PCDHGA3: variants seen among roughly 807,000 people sequenced by gnomAD.
The protein encoded by PCDHGA3 is protocadherin gamma-A3.
A neutral mutation model predicts 58.5 loss-of-function variants in PCDHGA3; 40 were observed. The observed-to-expected ratio is 0.68, with a 90% CI of 0.53 to 0.89. PCDHGA3 has a LOEUF of 0.89. PCDHGA3 is among the 40% of genes least tolerant of loss of function. The probability of loss-of-function intolerance (pLI) is 0.00; values close to 1 mark genes in which losing one functional copy is unlikely to be tolerated. For missense variants in PCDHGA3, 1,223 were observed against 1,195.9 expected, an observed-to-expected ratio of 1.02 and a Z score of -0.33; for synonymous variants, 530 against 525.7, an observed-to-expected ratio of 1.01 and a Z score of -0.11.
In PCDHGA3 at chr5:141,419,984, C is replaced by A. The variant is rs918632592; in HGVS notation, c.2424+73527C>A. ...TGTGCTCTTTCTCCTCGCGGTGATT[C>A]TAGCTATTGCTCTACGCCTGCGACA... On this transcript the variant is annotated intron_variant, in intron 1 of 3. Transcript: ENST00000253812. 27 of 1,613,962 alleles carry A rather than the reference C, an allele frequency of 1.7e-5. No individual in the cohort carries two copies. The highest frequency in any genetic ancestry group is 2.2e-5 in the Non-Finnish European group (26 of 1,179,912).
chr5:141,357,723 T>A (rs979364296), intron 1 of PCDHGA3: 3 of 1,391,112 alleles, frequency 2.2e-6, no homozygotes, highest in Non-Finnish European at 2.9e-6. Flanking sequence ...AAGTTGCCTC[T>A]TTTAATATTT....
At chr5:141,405,044 G>T (rs769617162) in intron 1 of PCDHGA3, 160 of 1,613,938 alleles carry the variant, frequency 9.9e-5, no homozygotes, top group Middle Eastern at 1.6e-4. Flanking sequence ...TGTGGCTGTG[G>T]CAGTCGTCTC....
At chr5:141,387,534 G>T in intron 1 of PCDHGA3, among the ~76,000 whole-genome samples, 1 of 152,198 alleles carries the variant, frequency 6.6e-6, no homozygotes, top group East Asian at 1.9e-4. Context: ...ACGTATCCAC[G>T]TAGTTTTTGT....
rs1328871348 is a variant in PCDHGA3 at position 141,361,436 on chromosome 5, C to T, written c.2424+14979C>T. ...GACGGGGGCAAGCCGCCCCTCTCCTCCAGCATAATTGTCACCCTGCACATC... is the reference window on the plus strand; with the variant it reads ...GACGGGGGCAAGCCGCCCCTCTCCTTCAGCATAATTGTCACCCTGCACATC... On this transcript the variant is annotated intron_variant, in intron 1 of 3. Transcript: ENST00000253812. 5 of 1,613,930 alleles carry T rather than the reference C, an allele frequency of 3.1e-6. No individual in the cohort carries two copies. In the South Asian group the frequency reaches 5.5e-5, roughly 18 times the overall value.
Position 141,344,067 on chromosome 5 carries a change from G to C in PCDHGA3, c.34G>C (p.Gly12Arg). The C allele has an allele frequency of 6.3e-7, 1 of 1,598,818 alleles. No homozygotes were observed. Among genetic ancestry groups the C allele is most frequent in the Non-Finnish European group, 8.5e-7 (1 of 1,171,348 alleles). The change falls in exon 1 of 4, where the codon GGA becomes CGA. Residue 12 changes from glycine to arginine, a missense_variant. Physicochemically the swap from Gly to Arg is moderately radical, Grantham distance 125. Around this residue, in one of 3 missense-constraint regions of PCDHGA3, gnomAD observed 791 missense variants for 708.5 expected, o/e 1.12. Transcript: ENST00000253812. Reference sequence around the variant, plus strand: ...TTGCCTGAGTTTCCGAAATGGCAGAGGACTGGCCCTGCTGTGCGCGCTCCT... The same window carrying C: ...TTGCCTGAGTTTCCGAAATGGCAGACGACTGGCCCTGCTGTGCGCGCTCCT... ...TNCLSFRNGR[G>R]LALLCALLGT... is the part of the protein sequence containing the mutation.
At chr5:141,354,969 T>C in intron 1 of PCDHGA3, 1 of 516,794 alleles carries the variant, frequency 1.9e-6, no homozygotes, top group Non-Finnish European at 3.2e-6. Context: ...GTTAAGACTC[T>C]GGGTGTCGCT....
At chr5:141,377,524 G>A (rs574411289) in intron 1 of PCDHGA3, 3 of 151,920 alleles carry the variant, frequency 2.0e-5, no homozygotes, top group Admixed American at 6.6e-5. Context: ...TAAGTCCAGG[G>A]GTATGAGGCT....
chr5:141,476,551 C>A lies in PCDHGA3; in HGVS notation c.2425-18256C>A, dbSNP rs367700651. 6.2e-7 allele frequency: 1 copy of A among 1,614,196 alleles called. No individual in the cohort carries two copies. The highest frequency in any genetic ancestry group is 1.7e-5 in the Admixed American group (1 of 60,028). ...CCCAGGAAATGAAATTGGAGATTAG[C>A]GAGGCCGTGGCTCCGGGGACGCGCT... On this transcript the variant is annotated intron_variant, in intron 1 of 3. Transcript: ENST00000253812. This position sits in a 1 kb window ranked among gnomAD's most constrained non-coding sequence, Gnocchi z 7.6.
intron 1 of PCDHGA3, among the ~76,000 whole-genome samples, chr5:141,454,476 A>G (rs918910449): frequency 6.6e-6 from 1 of 151,806 alleles, no homozygotes; most frequent in Non-Finnish European, 1.5e-5. Flanking sequence ...GCATGATCTC[A>G]GCTCACCGCA....
chr5:141,413,699 A>T (rs2095668539), intron 1 of PCDHGA3: 2 of 1,613,762 alleles, frequency 1.2e-6, no homozygotes, highest in East Asian at 4.5e-5. Context: ...CAGAGCTATC[A>T]GCTCAGCCCC....
Position 141,485,718 on chromosome 5 carries a change from T to A in PCDHGA3, c.2425-9089T>A, listed in dbSNP as rs562192762. ...TCCAATGAACACTTTGCACTGGATG[T>A]GAAGAAGCGCAGCGACGGCAGCCTG... On this transcript the variant is annotated intron_variant, in intron 1 of 3. Coordinates refer to ENST00000253812, the MANE Select transcript of PCDHGA3 (RefSeq NM_018916.4). The surrounding 1 kb of genome is among the most constrained non-coding windows in gnomAD (Gnocchi z 5.7). 1 of 1,614,058 alleles carries A rather than the reference T, an allele frequency of 6.2e-7. No homozygotes were observed. The highest frequency in any genetic ancestry group is 2.2e-5 in the East Asian group (1 of 44,866).
intron 1 of PCDHGA3, chr5:141,413,021 C>A: frequency 2.8e-6 from 2 of 714,374 alleles, no homozygotes; most frequent in Non-Finnish European, 4.4e-6. Context: ...TACACAAGCC[C>A]CACAAACCGG....
intron 3 of PCDHGA3, among the ~76,000 whole-genome samples, chr5:141,510,166 A>G (rs1280391099): frequency 6.6e-6 from 1 of 151,872 alleles, no homozygotes; most frequent in African/African-American, 2.4e-5. Flanking sequence ...TCAGCTACTC[A>G]GGAGGTTGAG....
At chr5:141,427,088 T>C in intron 1 of PCDHGA3, 1 of 458,156 alleles carries the variant, frequency 2.2e-6, no homozygotes. Flanking sequence ...CTGACCAGGA[T>C]GAGGGTGTCA....
intron 1 of PCDHGA3, chr5:141,372,736 T>C (rs1303541912): frequency 1.9e-6 from 3 of 1,613,276 alleles, no homozygotes; most frequent in African/African-American, 2.7e-5. Context: ...CAAGATCTTC[T>C]ATGTGATGAA....
chr5:141,503,528 G>A (rs1411240550), intron 2 of PCDHGA3, among the ~76,000 whole-genome samples: 2 of 151,470 alleles, frequency 1.3e-5, no homozygotes, highest in Non-Finnish European at 2.9e-5. Flanking sequence ...GAACCTGGGA[G>A]GCAGAGGTTG....
chr5:141,399,442 A>G, intron 1 of PCDHGA3: 1 of 1,613,996 alleles, frequency 6.2e-7, no homozygotes. Context: ...CCTACATATC[A>G]GAGACGTCAA....
chr5:141,447,823 C>T lies in PCDHGA3; in HGVS notation c.2425-46984C>T, dbSNP rs192381755. ...AAAATTGGCTGGGCGTGGTGGCTCA[C>T]GCCTGTAATCCCAGTGCTTTGGGAG... On this transcript the variant is annotated intron_variant, in intron 1 of 3. Coordinates refer to ENST00000253812, the MANE Select transcript of PCDHGA3 (RefSeq NM_018916.4). Among the ~76,000 whole-genome samples, 677 of 152,272 alleles carry T rather than the reference C, an allele frequency of 4.4e-3. 5 individuals are homozygous for T. Among genetic ancestry groups the T allele is most frequent in the African/African-American group, 0.015 (635 of 41,548 alleles).
chr5:141,422,492 C>G (rs747903569), intron 1 of PCDHGA3: 10 of 1,613,934 alleles, frequency 6.2e-6, no homozygotes, highest in Non-Finnish European at 8.5e-6. Flanking sequence ...TACAATATAA[C>G]GTTGACAGCC....
Sources: allele counts gnomAD v4.1 joint callset (sites outside exome capture counted in the v4.1 genomes callset), GRCh38; gene constraint gnomAD v4.1.1; regional missense constraint gnomAD v4.1.1; non-coding constraint Gnocchi (gnomAD v3.1); transcripts MANE v1.5; gene names NCBI Gene and HGNC (gene_info 2026-07-23, HGNC 2026-07-21).